The following ZNF560 variants were observed in gnomAD, a reference collection of about 807,000 sequenced individuals.
ZNF560 encodes zinc finger protein 560.
A neutral mutation model predicts 81.8 loss-of-function variants in ZNF560; 54 were observed. That is an observed-to-expected ratio of 0.66 (90% CI 0.53 to 0.83). ZNF560 has a LOEUF of 0.83. Among genes scored for constraint, ZNF560 ranks in the 40% least tolerant of loss-of-function variants. The pLI is 0.00. For synonymous variants in ZNF560, 321 were observed against 317.9 expected, an observed-to-expected ratio of 1.01 and a Z score of -0.10; for missense variants, 940 against 932.4, an observed-to-expected ratio of 1.01 and a Z score of -0.11.
At chr19:9,498,349 C>T (rs1186014117) in intron 1 of ZNF560, 134 bp from the exon 2 acceptor site, 1 of 152,378 alleles carries the variant, frequency 6.6e-6, no homozygotes, top group Admixed American at 6.5e-5. Context: ...TCCCACCCGG[C>T]TCCTCTAGGG....
At chr19:9,506,041 G>A in the ZNF560 span, among the ~76,000 whole-genome samples, 1 of 151,712 alleles carries the variant, frequency 6.6e-6, no homozygotes, top group East Asian at 1.9e-4. Flanking sequence ...TGCCCAGGCT[G>A]GAGTGCAGTG....
chr19:9,461,784 G>T (rs1187075207), downstream of ZNF560, among the ~76,000 whole-genome samples: 1 of 152,018 alleles, frequency 6.6e-6, no homozygotes, highest in Non-Finnish European at 1.5e-5. Context: ...GAATGGGAAA[G>T]AATAAAAAAA....
chr19:9,458,643 G>T, the ZNF560 span, among the ~76,000 whole-genome samples: 3 of 152,156 alleles, frequency 2.0e-5, no homozygotes, highest in Non-Finnish European at 2.9e-5. Context: ...TCACATTAGG[G>T]CTCATACACC....
intron 2 of ZNF560, among the ~76,000 whole-genome samples, chr19:9,483,797 C>CA (rs1323012516): frequency 6.6e-6 from 1 of 152,160 alleles, no homozygotes; most frequent in Non-Finnish European, 1.5e-5. Context: ...GAGGTGTACC[C>CA]AACAGCTCAT....
chr19:9,494,639 G>A (rs2073527242), intron 2 of ZNF560, among the ~76,000 whole-genome samples: 1 of 152,152 alleles, frequency 6.6e-6, no homozygotes, highest in Non-Finnish European at 1.5e-5. Flanking sequence ...GGGAAGATGA[G>A]GCAGGAGAAT....
At chr19:9,471,602 CTAA>C (rs2073124083) in intron 5 of ZNF560, among the ~76,000 whole-genome samples, 1 of 151,964 alleles carries the variant, frequency 6.6e-6, no homozygotes, top group Admixed American at 6.5e-5. Context: ...AGATTTAAAA[CTAA>C]TGTTAAACAG....
Position 9,466,815 on chromosome 19 carries a change from GGTTTT to G in ZNF560, c.2127_2131del (p.Lys710LeufsTer2). 1 of 1,614,022 alleles carries G rather than the reference GGTTTT, an allele frequency of 6.2e-7. No individual in the cohort carries two copies. Among genetic ancestry groups the G allele is most frequent in the East Asian group, 2.2e-5 (1 of 44,862 alleles). On this transcript the variant is annotated frameshift_variant, in exon 10 of 10. Coordinates refer to ENST00000301480, the MANE Select transcript of ZNF560 (RefSeq NM_152476.3). LOFTEE classifies it high-confidence loss of function. ...TTTCCCACAGTCCTTACATTTATAG[GGTTTT>G]ATTTTGGTGAGAGTTTTTAAGCGAT...
rs1331952947 is a variant in ZNF560 at position 9,483,601 on chromosome 19, G to A, written c.-56-8232C>T. ...GGGGGTGGGGGGTCAGCCCCCGCCC[G>A]GCCAGCCGCCCCGTCTGGGAGGGAG... On this transcript the variant is annotated intron_variant, in intron 2 of 9. Transcript: ENST00000301480. Among the ~76,000 whole-genome samples the A allele has an allele frequency of 7.8e-4, 90 of 114,900 alleles. 1 individual carries two copies. Among genetic ancestry groups the A allele is most frequent in the Non-Finnish European group, 1.6e-3 (74 of 45,550 alleles). 75.4% of individuals were successfully genotyped at this position (114,900 alleles called of 152,430 possible). A position where few individuals can be genotyped will look rare whatever the true frequency, so the allele number is the denominator to read the frequency against.
the ZNF560 span, among the ~76,000 whole-genome samples, chr19:9,453,885 T>C: frequency 1.8e-4 from 28 of 152,286 alleles, no homozygotes; most frequent in African/African-American, 6.5e-4. Flanking sequence ...CAGGCAATGA[T>C]AGACTAAGAA....
intron 6 of ZNF560, among the ~76,000 whole-genome samples, chr19:9,470,864 A>G (rs2073110379): frequency 6.6e-6 from 1 of 152,224 alleles, no homozygotes; most frequent in South Asian, 2.1e-4. Context: ...GAACACTTTC[A>G]TACCCCTTAC....
the ZNF560 span, among the ~76,000 whole-genome samples, chr19:9,459,970 C>A: frequency 1.3e-5 from 2 of 149,798 alleles, no homozygotes; most frequent in African/African-American, 5.1e-5. Context: ...GGCCCTGCCT[C>A]AGCCCTTCTA....
chr19:9,478,164 T>A (rs1180201995), intron 2 of ZNF560, among the ~76,000 whole-genome samples: 1 of 152,118 alleles, frequency 6.6e-6, no homozygotes. Context: ...GCAAATCACA[T>A]ATGAACGAGT....
chr19:9,461,626 G>C (rs1178642985), downstream of ZNF560, among the ~76,000 whole-genome samples: 1 of 152,132 alleles, frequency 6.6e-6, no homozygotes, highest in Non-Finnish European at 1.5e-5. Flanking sequence ...TAGACCAAAA[G>C]ATAGTTAATC....
intron 1 of ZNF560, 93 bp from the exon 2 acceptor site, chr19:9,498,308 A>C (rs536519901): frequency 1.3e-5 from 2 of 152,282 alleles, no homozygotes; most frequent in South Asian, 4.1e-4. Context: ...ACACGGCTGA[A>C]AACAGCCCTC....
the ZNF560 span, among the ~76,000 whole-genome samples, chr19:9,455,724 T>C: frequency 1.3e-5 from 2 of 152,298 alleles, no homozygotes; most frequent in East Asian, 1.9e-4. Context: ...TAATCCCAAG[T>C]GCCAGGCTGC....
In ZNF560 at chr19:9,471,357, G is replaced by A. The variant is rs776929050; in HGVS notation, c.260C>T (p.Thr87Ile). The change falls in exon 6 of 10, where the codon ACC (threonine) becomes ATC (isoleucine). Residue 87 changes from threonine to isoleucine, a missense_variant. Thr to Ile is a moderately conservative substitution (Grantham distance 89, BLOSUM62 -1). Coordinates refer to ENST00000301480, the MANE Select transcript of ZNF560 (RefSeq NM_152476.3). ...VLQDWAIKHQ[T>I]SVSALQQEFW... is the part of the protein sequence containing the mutation. ...CTCCTGCTGCAGTGCTGAAACACTG[G>A]TTTGATGTTTTATTGCCCAGTCTGA... 4 of 1,585,860 alleles carry A rather than the reference G, an allele frequency of 2.5e-6. No individual in the cohort carries two copies. Among genetic ancestry groups the A allele is most frequent in the Non-Finnish European group, 3.4e-6 (4 of 1,168,336 alleles).
rs150263700 is a variant in ZNF560 at position 9,476,440 on chromosome 19, G to A, written c.-56-1071C>T. ...CCTGAGTAGCTGGGATTACAGGCACGTGCCACCAGACCTGGCTAACTTTTG... is the reference window on the plus strand; with the variant it reads ...CCTGAGTAGCTGGGATTACAGGCACATGCCACCAGACCTGGCTAACTTTTG... On this transcript the variant is annotated intron_variant, in intron 2 of 9. Transcript: ENST00000301480. Among the ~76,000 whole-genome samples the A allele has an allele frequency of 4.6e-5, 7 of 152,122 alleles. No homozygotes were observed. In the East Asian group the frequency reaches 5.8e-4, roughly 13 times the overall value.
Position 9,467,277 on chromosome 19 carries a change from G to T in ZNF560, c.1670C>A (p.Ser557Ter). The T allele has an allele frequency of 2.5e-6, 4 of 1,614,128 alleles. No homozygotes were observed. The highest frequency in any genetic ancestry group is 3.4e-6 in the Non-Finnish European group (4 of 1,179,990). The change falls in exon 10 of 10, where the codon TCA becomes TAA. Residue 557 changes from serine to a stop codon, truncating the protein, a stop_gained. Coordinates refer to ENST00000301480, the MANE Select transcript of ZNF560 (RefSeq NM_152476.3). LOFTEE classifies it high-confidence loss of function. ...TGTTCGTAAATGTTTGGTAAGATAT[G>T]AGCACTTAGTGAAAGCTTTACCACA... ...KKCGKAFTKC[S>*]YLTKHLRTHA...
intron 3 of ZNF560, among the ~76,000 whole-genome samples, chr19:9,474,580 G>T (rs1013114944): frequency 6.6e-6 from 1 of 152,140 alleles, no homozygotes; most frequent in Non-Finnish European, 1.5e-5. Flanking sequence ...GACTGTGAGT[G>T]CTTTCTCAAC....
Sources: allele counts gnomAD v4.1 joint callset (sites outside exome capture counted in the v4.1 genomes callset), GRCh38; gene constraint gnomAD v4.1.1; transcripts MANE v1.5; gene names NCBI Gene and HGNC (gene_info 2026-07-23, HGNC 2026-07-21).